Variants in PRKCB observed in about 807,000 individuals in gnomAD.
PRKCB encodes protein kinase C beta.
PRKCB carries 13 observed loss-of-function variants against 81.5 expected under a neutral mutation model. That is an observed-to-expected ratio of 0.16 (90% CI 0.10 to 0.25). PRKCB has a LOEUF of 0.25. PRKCB is among the 10% of genes least tolerant of loss of function. The pLI is 1.00. For synonymous variants in PRKCB, 335 were observed against 321.4 expected (o/e 1.04, Z -0.45); for missense variants, 509 against 875.7 (o/e 0.58, Z 5.29).
chr16:24,210,120 C>T (rs187952035), intron 16 of PRKCB, among the ~76,000 whole-genome samples: 1 of 152,192 alleles, frequency 6.6e-6, no homozygotes, highest in African/African-American at 2.4e-5. Context: ...GTCTCTAAAA[C>T]AATGAAATAT....
At chr16:23,946,365 A>G (rs941168548) in intron 2 of PRKCB, among the ~76,000 whole-genome samples, 1 of 152,218 alleles carries the variant, frequency 6.6e-6, no homozygotes, top group Non-Finnish European at 1.5e-5. Context: ...TGGTACCTGA[A>G]GGTACAGCTG....
At chr16:23,867,038 TTCCTTCCTTCCTTC>T in intron 2 of PRKCB, among the ~76,000 whole-genome samples, 2 of 90,738 alleles carry the variant, frequency 2.2e-5, no homozygotes, top group African/African-American at 1.0e-4. Context: ...CCTTCCTTCC[TTCCTTCCTTCCTTC>T]TCTCTCTCTC....
chr16:23,996,759 C>CA (rs1274486249), intron 3 of PRKCB, among the ~76,000 whole-genome samples: 1 of 152,174 alleles, frequency 6.6e-6, no homozygotes, highest in Non-Finnish European at 1.5e-5. Context: ...CTGGTCTTAC[C>CA]ATGTTCCCCA....
At chr16:24,043,651 C>A (rs1020455747) in intron 5 of PRKCB, among the ~76,000 whole-genome samples, 1 of 152,054 alleles carries the variant, frequency 6.6e-6, no homozygotes, top group African/African-American at 2.4e-5. Flanking sequence ...GGGAAGCTGA[C>A]GTCTTGCTAT....
chr16:24,146,407 C>G (rs1323959389), intron 9 of PRKCB, among the ~76,000 whole-genome samples: 4 of 152,186 alleles, frequency 2.6e-5, no homozygotes, highest in Admixed American at 2.6e-4. Flanking sequence ...ACTCTCTCAG[C>G]AGCACCAAAA....
Position 24,191,224 on chromosome 16 carries a change from A to C in PRKCB, c.1857A>C (p.Pro619=). The C allele has an allele frequency of 6.2e-7, 1 of 1,614,058 alleles. No individual in the cohort carries two copies. Among genetic ancestry groups the C allele is most frequent in the Non-Finnish European group, 8.5e-7 (1 of 1,179,932 alleles). Residue 619 remains proline (P), a synonymous_variant, in exon 16 of 17, where the codon CCA becomes CCC. Coordinates refer to ENST00000643927, the MANE Select transcript of PRKCB (RefSeq NM_002738.7). ...AAGAGATCCAGCCCCCTTATAAGCC[A>C]AAAGCTGTAAGTAGCCCATTCTCTC... ...ERKEIQPPYK[P]KACGRNAENF...
intron 2 of PRKCB, among the ~76,000 whole-genome samples, chr16:23,906,311 CTCTATT>C (rs1295207322): frequency 1.3e-5 from 2 of 152,098 alleles, no homozygotes; most frequent in Non-Finnish European, 2.9e-5. Context: ...TGTTTGAAAG[CTCTATT>C]TCTTTTTCTG....
Position 24,035,419 on chromosome 16 carries a change from C to G in PRKCB, c.401C>G (p.Thr134Ser). 6.2e-7 allele frequency: 1 copy of G among 1,613,578 alleles called. No homozygotes were observed. Among genetic ancestry groups the G allele is most frequent in the Non-Finnish European group, 8.5e-7 (1 of 1,179,706 alleles). Residue 134 changes from threonine to serine, a missense_variant and splice_region_variant, in exon 5 of 17, where the codon ACC (threonine) becomes AGC (serine). This residue lies in a region of PRKCB where 184 missense variants were observed against 362.9 expected (regional missense o/e 0.51). Coordinates refer to ENST00000643927, the MANE Select transcript of PRKCB (RefSeq NM_002738.7). ...ACATCCCCTCTCTCTGCCCTCACAG[C>G]CTGCATGATGAATGTGCACAAGCGC... ...GLIHQGMKCD[T>S]CMMNVHKRCV...
intron 9 of PRKCB, among the ~76,000 whole-genome samples, chr16:24,148,608 G>C (rs1967028895): frequency 6.6e-6 from 1 of 152,204 alleles, no homozygotes; most frequent in Non-Finnish European, 1.5e-5. Flanking sequence ...TGATTGAAAA[G>C]AGCATGCATA....
intron 2 of PRKCB, among the ~76,000 whole-genome samples, chr16:23,864,180 G>A (rs1311834157): frequency 6.6e-6 from 1 of 152,172 alleles, no homozygotes; most frequent in Admixed American, 6.5e-5. Context: ...CCGAAGTAGA[G>A]GCATTTCTAC....
chr16:24,197,137 A>G (rs1596594317), intron 16 of PRKCB, among the ~76,000 whole-genome samples: 2 of 152,224 alleles, frequency 1.3e-5, no homozygotes, highest in East Asian at 1.9e-4. Flanking sequence ...AATAATTAAC[A>G]TCCCTGCCTT....
At chr16:24,059,130 A>G (rs1164333424) in intron 5 of PRKCB, among the ~76,000 whole-genome samples, 2 of 152,184 alleles carry the variant, frequency 1.3e-5, no homozygotes, top group African/African-American at 2.4e-5. Context: ...TTTGGGTTGC[A>G]TGGGTGACTG....
intron 2 of PRKCB, among the ~76,000 whole-genome samples, chr16:23,933,276 C>G (rs1415188487): frequency 6.6e-6 from 1 of 152,184 alleles, no homozygotes. Context: ...CACATTATGA[C>G]TATGAACAGG....
chr16:24,209,242 T>G (rs1968097064), intron 16 of PRKCB, among the ~76,000 whole-genome samples: 1 of 152,128 alleles, frequency 6.6e-6, no homozygotes, highest in Admixed American at 6.5e-5. Flanking sequence ...GTCTGCCTTA[T>G]AGTCACACCA....
At chr16:24,183,681 A>C (rs1346268243) in intron 13 of PRKCB, among the ~76,000 whole-genome samples, 3 of 152,226 alleles carry the variant, frequency 2.0e-5, no homozygotes, top group Non-Finnish European at 4.4e-5. Flanking sequence ...TCATCCTCAC[A>C]TAACTTCATG....
At chr16:24,089,789 T>TCTCTCACACACACA (rs71381638) in intron 5 of PRKCB, among the ~76,000 whole-genome samples, 3,962 of 149,868 alleles carry the variant, frequency 0.026, 181 homozygotes, top group African/African-American at 0.091. Flanking sequence ...TCTCTCTCTC[T>TCTCTCACACACACA]CACACACACA....
At chr16:24,127,464 T>C (rs1354855382) in intron 9 of PRKCB, among the ~76,000 whole-genome samples, 2 of 151,930 alleles carry the variant, frequency 1.3e-5, no homozygotes, top group Admixed American at 6.5e-5. Flanking sequence ...TCAGTTAATT[T>C]GCGTCTTTCC....
At chr16:23,897,860 T>C (rs914111429) in intron 2 of PRKCB, among the ~76,000 whole-genome samples, 2 of 152,014 alleles carry the variant, frequency 1.3e-5, no homozygotes, top group African/African-American at 4.8e-5. Flanking sequence ...CACCCACCCA[T>C]CCATATATCT....
At chr16:24,149,643 T>C (rs1446756078) in intron 9 of PRKCB, among the ~76,000 whole-genome samples, 2 of 151,884 alleles carry the variant, frequency 1.3e-5, no homozygotes, top group African/African-American at 4.8e-5. Context: ...GGAGAGGGAG[T>C]GCTTGGAATC....
Sources: gnomAD v4.1 joint callset for allele counts (sites outside exome capture counted in the v4.1 genomes callset) on GRCh38, gnomAD v4.1.1 for gene constraint, gnomAD v4.1.1 regional missense constraint, MANE v1.5 for transcripts, NCBI Gene and HGNC (gene_info 2026-07-23, HGNC 2026-07-21) for gene names.